The following XKR4 variants were observed in gnomAD, a reference collection of about 807,000 sequenced individuals.
The protein encoded by XKR4 is XK-related protein 4.
In XKR4, 12 loss-of-function variants were observed where a neutral mutation model predicts 53.9. The ratio of observed to expected loss-of-function variants is 0.22; its 90% confidence interval spans 0.14 to 0.36. XKR4 has a LOEUF of 0.36. Among genes scored for constraint, XKR4 ranks in the 10% least tolerant of loss-of-function variants. XKR4 has a pLI of 1.00. For missense variants in XKR4, 799 were observed against 859.5 expected (o/e 0.93, Z 0.88); for synonymous variants, 354 against 362.4 (o/e 0.98, Z 0.26).
intron 1 of XKR4, among the ~76,000 whole-genome samples, chr8:55,155,225 C>G (rs1816888095): frequency 1.3e-5 from 2 of 152,106 alleles, no homozygotes; most frequent in South Asian, 4.1e-4. Flanking sequence ...CATTGCTGCT[C>G]CCAGACAGCT....
chr8:55,154,627 A>G (rs1484079952), intron 1 of XKR4, among the ~76,000 whole-genome samples: 1 of 152,142 alleles, frequency 6.6e-6, no homozygotes, highest in Non-Finnish European at 1.5e-5. Context: ...CATTCTTTGT[A>G]TATTCTTGGT....
Position 55,528,907 on chromosome 8 carries a change from T to C in XKR4, c.*4680T>C, listed in dbSNP as rs1264108723. 1 of 151,730 alleles carries C rather than the reference T, an allele frequency of 6.6e-6. No homozygotes were observed. The highest frequency in any genetic ancestry group is 1.5e-5 in the Non-Finnish European group (1 of 67,992). The allele number at this position is 151,730 out of a possible 1,614,324, so 9.4% of individuals were successfully genotyped here. On this transcript the variant is annotated 3_prime_UTR_variant, in exon 3 of 3. Transcript: ENST00000327381. ...TTTCTGAGACTCTTGTCTGGACCTG[T>C]AACAGGCCGTGAAATGCCCTGAGCA...
chr8:55,375,689 G>A (rs1804134799), intron 2 of XKR4, among the ~76,000 whole-genome samples: 2 of 150,606 alleles, frequency 1.3e-5, no homozygotes, highest in Non-Finnish European at 2.9e-5. Flanking sequence ...ATATTTATGA[G>A]GAAATAAGAT....
At position 55,533,794 on chromosome 8, in the gene XKR4, G is replaced by A. The variant is rs948076681; in HGVS notation, c.*9567G>A. ...GAACATTAATCAGTTAGTGAAAAAG[G>A]AGCACTTCCGTTCAGCCGTAGTACC... On this transcript the variant is annotated 3_prime_UTR_variant, in exon 3 of 3. Transcript: ENST00000327381. 5.9e-5 allele frequency: 9 copies of A among 152,162 alleles called. No individual in the cohort carries two copies. The highest frequency in any genetic ancestry group is 2.2e-4 in the African/African-American group (9 of 41,438). The allele number at this position is 152,162 out of a possible 1,614,324, so 9.4% of individuals were successfully genotyped here.
intron 1 of XKR4, among the ~76,000 whole-genome samples, chr8:55,209,042 A>G (rs1429381728): frequency 6.6e-6 from 1 of 152,156 alleles, no homozygotes; most frequent in East Asian, 1.9e-4. Context: ...TCAAATTAAT[A>G]TCTTCCCAAA....
At chr8:55,186,528 C>T (rs994201978) in intron 1 of XKR4, among the ~76,000 whole-genome samples, 3 of 151,864 alleles carry the variant, frequency 2.0e-5, no homozygotes, top group South Asian at 2.1e-4. Context: ...TGGTGGCAGG[C>T]GCTTGTAGCC....
At chr8:55,244,111 T>C (rs1348444697) in intron 1 of XKR4, among the ~76,000 whole-genome samples, 1 of 152,202 alleles carries the variant, frequency 6.6e-6, no homozygotes, top group African/African-American at 2.4e-5. Context: ...GCAGGTATGT[T>C]ATACAGGTAA....
At chr8:55,413,946 A>G (rs143466774) in intron 2 of XKR4, among the ~76,000 whole-genome samples, 175 of 152,346 alleles carry the variant, frequency 1.1e-3, no homozygotes, top group African/African-American at 3.9e-3. Context: ...CTCATTTTCT[A>G]TAGACTTTCA....
intron 1 of XKR4, among the ~76,000 whole-genome samples, chr8:55,114,557 T>G (rs138991111): frequency 9.5e-4 from 145 of 152,178 alleles, no homozygotes; most frequent in Admixed American, 2.2e-3. Context: ...AGGCCAGAAA[T>G]AAGCTTACTA....
chr8:55,428,961 T>C (rs1398107843), intron 2 of XKR4, among the ~76,000 whole-genome samples: 1 of 152,160 alleles, frequency 6.6e-6, no homozygotes, highest in East Asian at 1.9e-4. Flanking sequence ...TGAACTAGAA[T>C]AGCTCAAACA....
In XKR4 at chr8:55,529,796, G is replaced by C. The variant is rs1011862109; in HGVS notation, c.*5569G>C. The C allele has an allele frequency of 4.6e-5, 7 of 152,094 alleles. No homozygotes were observed. The highest frequency in any genetic ancestry group is 1.7e-4 in the African/African-American group (7 of 41,412). The allele number at this position is 152,094 out of a possible 1,614,324, so 9.4% of individuals were successfully genotyped here. On this transcript the variant is annotated 3_prime_UTR_variant, in exon 3 of 3. Coordinates refer to ENST00000327381, the MANE Select transcript of XKR4 (RefSeq NM_052898.2). ...TTTTCCAAGAAAATTTTATTTAAAA[G>C]TCAAAGATGTCCTTCAAAATGAACA...
chr8:55,267,035 C>G (rs1475525113), intron 1 of XKR4, among the ~76,000 whole-genome samples: 1 of 151,990 alleles, frequency 6.6e-6, no homozygotes, highest in South Asian at 2.1e-4. Context: ...ATTACTGGAA[C>G]AAGAAAGATG....
chr8:55,343,000 G>T (rs1803579971), intron 1 of XKR4, among the ~76,000 whole-genome samples: 1 of 152,176 alleles, frequency 6.6e-6, no homozygotes, highest in African/African-American at 2.4e-5. Flanking sequence ...TTAGTCAAAG[G>T]AGACTTTCCT....
At chr8:55,233,141 G>A (rs1342984023) in intron 1 of XKR4, among the ~76,000 whole-genome samples, 1 of 152,178 alleles carries the variant, frequency 6.6e-6, no homozygotes, top group Non-Finnish European at 1.5e-5. Flanking sequence ...TTGAAAGGGG[G>A]AATTCATTAT....
chr8:55,311,672 C>A (rs1266750839), intron 1 of XKR4, among the ~76,000 whole-genome samples: 1 of 151,676 alleles, frequency 6.6e-6, no homozygotes, highest in African/African-American at 2.4e-5. Flanking sequence ...ATTAGCATCC[C>A]CAGGTTATAG....
intron 1 of XKR4, among the ~76,000 whole-genome samples, chr8:55,290,223 G>A (rs1374235868): frequency 2.7e-5 from 4 of 150,780 alleles, no homozygotes; most frequent in African/African-American, 7.3e-5. Context: ...TCTGCTTCCC[G>A]GGTTCAATTG....
intron 1 of XKR4, among the ~76,000 whole-genome samples, chr8:55,326,600 A>G (rs1185123416): frequency 6.7e-6 from 1 of 149,664 alleles, no homozygotes; most frequent in Non-Finnish European, 1.5e-5. Context: ...CCTCCTGAGT[A>G]GCTGGGACTA....
At chr8:55,467,614 C>T (rs754108731) in intron 2 of XKR4, among the ~76,000 whole-genome samples, 7 of 152,106 alleles carry the variant, frequency 4.6e-5, no homozygotes, top group East Asian at 1.9e-4. Flanking sequence ...TATACTCCAC[C>T]GGTAAAGTGC....
intron 2 of XKR4, chr8:55,452,708 GA>G: frequency 8.7e-7 from 1 of 1,152,866 alleles, no homozygotes; most frequent in East Asian, 2.3e-5. Context: ...TGATGAAGTG[GA>G]CCACAGCCCC....
Sources: gnomAD v4.1 joint callset for allele counts (sites outside exome capture counted in the v4.1 genomes callset) on GRCh38, gnomAD v4.1.1 for gene constraint, MANE v1.5 for transcripts, NCBI Gene and HGNC (gene_info 2026-07-23, HGNC 2026-07-21) for gene names.